Variants in DYNC2H1 observed in about 807,000 individuals in gnomAD.
The protein encoded by DYNC2H1 is cytoplasmic dynein 2 heavy chain 1.
In DYNC2H1, 410 loss-of-function variants were observed where a neutral mutation model predicts 570.0. The observed-to-expected ratio is 0.72, with a 90% CI of 0.66 to 0.78. The LOEUF (loss-of-function observed/expected upper bound fraction) is 0.78. Ranked by LOEUF, DYNC2H1 falls within the 30% of genes least tolerant of loss-of-function variation. The probability of loss-of-function intolerance (pLI) is 0.00; values close to 1 mark genes in which losing one functional copy is unlikely to be tolerated. For missense variants in DYNC2H1, 4,865 were observed against 5,046.4 expected, an observed-to-expected ratio of 0.96 and a Z score of 1.09; for synonymous variants, 1,688 against 1,677.6, an observed-to-expected ratio of 1.01 and a Z score of -0.15.
At chr11:103,410,851 C>T (rs1046381058) in intron 84 of DYNC2H1, among the ~76,000 whole-genome samples, 5 of 152,106 alleles carry the variant, frequency 3.3e-5, no homozygotes, top group African/African-American at 1.2e-4. Context: ...TTGACCAACC[C>T]TATATATCAG....
intron 28 of DYNC2H1, among the ~76,000 whole-genome samples, chr11:103,160,522 T>A (rs1187666491): frequency 6.6e-6 from 1 of 152,022 alleles, no homozygotes. Flanking sequence ...GTTATAACAT[T>A]TTTCACTCCC....
intron 82 of DYNC2H1, among the ~76,000 whole-genome samples, chr11:103,353,621 G>A (rs1940159733): frequency 6.6e-6 from 1 of 152,106 alleles, no homozygotes; most frequent in African/African-American, 2.4e-5. Flanking sequence ...AATAGATAGT[G>A]ATGCTTTTTT....
chr11:103,380,390 T>C (rs1343142719), intron 83 of DYNC2H1, among the ~76,000 whole-genome samples: 1 of 152,194 alleles, frequency 6.6e-6, no homozygotes, highest in Non-Finnish European at 1.5e-5. Context: ...ATAGGTACTA[T>C]ATTAGATGCT....
chr11:103,373,712 A>G (rs575021894), intron 83 of DYNC2H1, among the ~76,000 whole-genome samples: 2 of 152,288 alleles, frequency 1.3e-5, no homozygotes, highest in Non-Finnish European at 2.9e-5. Flanking sequence ...CACTTGGTCT[A>G]TGGTGCAATC....
At chr11:103,473,782 C>T (rs200226683) in intron 88 of DYNC2H1, among the ~76,000 whole-genome samples, 2 of 152,274 alleles carry the variant, frequency 1.3e-5, no homozygotes, top group East Asian at 3.9e-4. Flanking sequence ...AAATAATGCT[C>T]CTGAGAGTTT....
At chr11:103,283,126 G>A in intron 73 of DYNC2H1, 41 bp downstream of exon 73, 1 of 1,495,668 alleles carries the variant, frequency 6.7e-7, no homozygotes, top group Non-Finnish European at 9.2e-7. Context: ...AATTTCTTCT[G>A]TATTTGCATT....
intron 54 of DYNC2H1, 109 bp from the exon 55 acceptor site, chr11:103,215,612 T>C (rs1160122298): frequency 1.8e-6 from 2 of 1,111,694 alleles, no homozygotes; most frequent in East Asian, 2.7e-5. Flanking sequence ...TACTGTTTTG[T>C]ATATACACAC....
At chr11:103,469,325 C>T (rs1452663348) in intron 88 of DYNC2H1, among the ~76,000 whole-genome samples, 1 of 152,150 alleles carries the variant, frequency 6.6e-6, no homozygotes. Context: ...GTATACATGT[C>T]TTTCAAATAG....
Position 103,165,912 on chromosome 11 carries a change from G to A in DYNC2H1, c.4626G>A (p.Ala1542=), listed in dbSNP as rs753212792. The change falls in exon 31 of 89, where the codon GCG becomes GCA. Residue 1542 remains alanine, a synonymous_variant. Coordinates refer to ENST00000375735, the MANE Select transcript of DYNC2H1 (RefSeq NM_001377.3). ...SLFPSQILCL[A]EQIKFTEDVE... is the part of the protein sequence containing the mutation. ...TTATTCAATAGATTTTATGCTTGGCGGAGCAGATTAAATTCACTGAAGATG... is the reference window on the plus strand; with the variant it reads ...TTATTCAATAGATTTTATGCTTGGCAGAGCAGATTAAATTCACTGAAGATG... 17 of 1,496,530 alleles carry A rather than the reference G, an allele frequency of 1.1e-5. No homozygotes were observed. Among genetic ancestry groups the A allele is most frequent in the Admixed American group, 9.1e-5 (4 of 44,008 alleles). 92.7% of individuals were successfully genotyped at this position (1,496,530 alleles called of 1,614,324 possible).
rs1197917099 is a variant in DYNC2H1 at position 103,256,680 on chromosome 11, C to G, written c.10461+440C>G. Among the ~76,000 whole-genome samples, 1 of 152,072 alleles carries G rather than the reference C, an allele frequency of 6.6e-6. No homozygotes were observed. Among genetic ancestry groups the G allele is most frequent in the African/African-American group, 2.4e-5 (1 of 41,422 alleles). Reference sequence around the variant, plus strand: ...TGCTTATAATGAACAGTGCTGGGTACTTTATTATCCTAATGTGGACACCTG... The same window carrying G: ...TGCTTATAATGAACAGTGCTGGGTAGTTTATTATCCTAATGTGGACACCTG... On this transcript the variant is annotated intron_variant, in intron 68 of 88. Coordinates refer to ENST00000375735, the MANE Select transcript of DYNC2H1 (RefSeq NM_001377.3). This position sits in a 1 kb window ranked among gnomAD's most constrained non-coding sequence, Gnocchi z 4.0.
Position 103,199,622 on chromosome 11 carries a change from T to C in DYNC2H1, c.8088+146T>C. The C allele has an allele frequency of 1.4e-6, 1 of 736,376 alleles. No homozygotes were observed. Among genetic ancestry groups the C allele is most frequent in the South Asian group, 4.3e-5 (1 of 23,354 alleles). 45.6% of individuals were successfully genotyped at this position (736,376 alleles called of 1,614,324 possible). A position where few individuals can be genotyped will look rare whatever the true frequency, so the allele number is the denominator to read the frequency against. ...TAAAGTTCTCTGTTATACAATGTAG[T>C]CTTTATTTTAATTTAGATTATTTTT... On this transcript the variant is annotated intron_variant, in intron 49 of 88. Coordinates refer to ENST00000375735, the MANE Select transcript of DYNC2H1 (RefSeq NM_001377.3). The surrounding 1 kb of genome is among the most constrained non-coding windows in gnomAD (Gnocchi z 4.6).
intron 78 of DYNC2H1, among the ~76,000 whole-genome samples, chr11:103,309,792 C>G (rs902099626): frequency 1.3e-5 from 2 of 151,986 alleles, no homozygotes; most frequent in African/African-American, 4.8e-5. Context: ...AATTCAAGGC[C>G]AAGTAAGAGG....
At chr11:103,172,705 T>C (rs758685374) in intron 34 of DYNC2H1, among the ~76,000 whole-genome samples, 20 of 152,102 alleles carry the variant, frequency 1.3e-4, no homozygotes, top group Non-Finnish European at 2.9e-4. Context: ...TAAAGTATTA[T>C]TTAGTTCAGT....
chr11:103,432,670 T>A (rs936066093), intron 84 of DYNC2H1, among the ~76,000 whole-genome samples: 3 of 96,068 alleles, frequency 3.1e-5, no homozygotes, highest in African/African-American at 1.0e-4. Flanking sequence ...AAAAAAAAAA[T>A]TGAGAAATGC....
rs765674893 is a variant in DYNC2H1 at position 103,158,967 on chromosome 11, A to T, written c.4318A>T (p.Ile1440Leu). 3 of 1,613,590 alleles carry T rather than the reference A, an allele frequency of 1.9e-6. No homozygotes were observed. Among genetic ancestry groups the T allele is most frequent in the Admixed American group, 1.7e-5 (1 of 59,994 alleles). ...YFIGDDDLLE[I>L]LGQSTNPSVI... ...TATTGGTGATGATGACTTATTAGAAATATTGGGCCAGTCTACCAACCCATC... is the reference window on the plus strand; with the variant it reads ...TATTGGTGATGATGACTTATTAGAATTATTGGGCCAGTCTACCAACCCATC... Residue 1440 changes from isoleucine to leucine, a missense_variant, in exon 28 of 89, where the codon ATA (isoleucine) becomes TTA (leucine). Coordinates refer to ENST00000375735, the MANE Select transcript of DYNC2H1 (RefSeq NM_001377.3).
At chr11:103,354,375 A>G (rs1033678772) in intron 82 of DYNC2H1, among the ~76,000 whole-genome samples, 9 of 151,978 alleles carry the variant, frequency 5.9e-5, no homozygotes, top group African/African-American at 2.2e-4. Context: ...TGGTTATACT[A>G]AATTTTAATG....
At chr11:103,323,613 A>G (rs1165704870) in intron 81 of DYNC2H1, among the ~76,000 whole-genome samples, 2 of 152,092 alleles carry the variant, frequency 1.3e-5, no homozygotes, top group Admixed American at 6.5e-5. Flanking sequence ...AGTAGGCATA[A>G]TCACTCAAAT....
At chr11:103,149,097 C>T (rs139828928) in intron 20 of DYNC2H1, among the ~76,000 whole-genome samples, 181 of 152,072 alleles carry the variant, frequency 1.2e-3, no homozygotes, top group African/African-American at 3.9e-3. Flanking sequence ...AATAGACTTT[C>T]GATGCACTAT....
chr11:103,272,457 A>T (rs951802391), intron 70 of DYNC2H1, among the ~76,000 whole-genome samples: 4 of 152,190 alleles, frequency 2.6e-5, no homozygotes, highest in Non-Finnish European at 5.9e-5. Flanking sequence ...TAGCATCAGG[A>T]GATATACCTA....
Sources: gnomAD v4.1 joint callset for allele counts (sites outside exome capture counted in the v4.1 genomes callset) on GRCh38, gnomAD v4.1.1 for gene constraint, Gnocchi (gnomAD v3.1) non-coding constraint, MANE v1.5 for transcripts, NCBI Gene and HGNC (gene_info 2026-07-23, HGNC 2026-07-21) for gene names.